The following MTTP variants were observed in gnomAD, a reference collection of about 807,000 sequenced individuals.
The protein encoded by MTTP is microsomal triglyceride transfer protein large subunit.
In MTTP, 49 loss-of-function variants were observed where a neutral mutation model predicts 90.6. The observed-to-expected ratio is 0.54, with a 90% CI of 0.43 to 0.69. MTTP has a LOEUF of 0.69. MTTP is among the 30% of genes least tolerant of loss of function. MTTP has a pLI of 0.00. For missense variants in MTTP, 945 were observed against 1,067.5 expected (o/e 0.89, Z 1.60); for synonymous variants, 347 against 384.2 (o/e 0.90, Z 1.13).
At chr4:99,605,029 T>C (rs892221606) in intron 10 of MTTP, among the ~76,000 whole-genome samples, 1 of 152,212 alleles carries the variant, frequency 6.6e-6, no homozygotes, top group Non-Finnish European at 1.5e-5. Flanking sequence ...TATTATCAAG[T>C]TGATAGACAT....
chr4:99,597,050 C>G lies in MTTP; in HGVS notation c.910-17C>G, dbSNP rs763211530. The G allele has an allele frequency of 6.2e-7, 1 of 1,613,260 alleles. No homozygotes were observed. The highest frequency in any genetic ancestry group is 1.7e-5 in the Admixed American group (1 of 59,980). On this transcript the variant is annotated splice_polypyrimidine_tract_variant and intron_variant, in intron 7 of 17. Coordinates refer to ENST00000265517, the MANE Select transcript of MTTP (RefSeq NM_001386140.1). ...CAGTTATGAGTGGGGTATGAGCCTGCAGTGTATGTTTTGCAGCTCTCGGAG... is the reference window on the plus strand; with the variant it reads ...CAGTTATGAGTGGGGTATGAGCCTGGAGTGTATGTTTTGCAGCTCTCGGAG...
intron 9 of MTTP, among the ~76,000 whole-genome samples, 180 bp downstream of exon 9, chr4:99,600,913 T>C (rs1312600740): frequency 1.3e-5 from 2 of 152,168 alleles, no homozygotes; most frequent in East Asian, 3.9e-4. Context: ...ATTATTTCAG[T>C]TAGTGCCTTT....
chr4:99,576,909 A>C (rs1724978252), intron 1 of MTTP, among the ~76,000 whole-genome samples: 1 of 152,116 alleles, frequency 6.6e-6, no homozygotes, highest in Non-Finnish European at 1.5e-5. Context: ...ATATCTTACT[A>C]TTGCAAAGGT....
At chr4:99,609,302 T>A (rs1725895761) in intron 12 of MTTP, among the ~76,000 whole-genome samples, 1 of 152,224 alleles carries the variant, frequency 6.6e-6, no homozygotes, top group Admixed American at 6.5e-5. Context: ...CAAAACAAAG[T>A]AAATTCTTAC....
rs528271911 is a variant in MTTP at position 99,592,263 on chromosome 4, T to C, written c.758+473T>C. On this transcript the variant is annotated intron_variant, in intron 6 of 17. Transcript: ENST00000265517. Reference sequence around the variant, plus strand: ...CCAAATGAGCACTGAGTGAATGTCATAGACTAGGACGTTACTGTACACTAC... The same window carrying C: ...CCAAATGAGCACTGAGTGAATGTCACAGACTAGGACGTTACTGTACACTAC... Among the ~76,000 whole-genome samples, 111 of 152,318 alleles carry C rather than the reference T, an allele frequency of 7.3e-4. 2 individuals are homozygous for C. In the South Asian group the frequency reaches 0.022, roughly 31 times the overall value.
chr4:99,600,723 G>A lies in MTTP; in HGVS notation c.1226G>A (p.Arg409Lys). The stretch of plus-strand genomic sequence containing the variant: ...TCTCATCCCAATGAAGAACTCCTGA[G>A]AGCCCTCATTGTAAGTCAAATAGAA... ...FASHPNEELLRALISKFKGSI... is the reference protein window; with the variant it reads ...FASHPNEELLKALISKFKGSI... Residue 409 changes from arginine (R) to lysine (K), a missense_variant, in exon 9 of 18, where the codon AGA becomes AAA. Physicochemically the swap from Arg to Lys is conservative, Grantham distance 26. Transcript: ENST00000265517. 1 of 1,613,582 alleles carries A rather than the reference G, an allele frequency of 6.2e-7. No homozygotes were observed. Among genetic ancestry groups the A allele is most frequent in the Non-Finnish European group, 8.5e-7 (1 of 1,179,710 alleles).
chr4:99,620,675 T>C (rs539729391), intron 16 of MTTP, among the ~76,000 whole-genome samples: 1 of 152,340 alleles, frequency 6.6e-6, no homozygotes, highest in South Asian at 2.1e-4. Context: ...GCATCGATTG[T>C]CTTCTTGGTG....
At chr4:99,597,015 T>C in intron 7 of MTTP, 52 bp from the exon 8 acceptor site, 1 of 1,607,542 alleles carries the variant, frequency 6.2e-7, no homozygotes, top group Non-Finnish European at 8.5e-7. Context: ...TTTGTAAATG[T>C]GGATGTTCAC....
intron 1 of MTTP, among the ~76,000 whole-genome samples, chr4:99,580,783 C>T (rs1725091205): frequency 1.3e-5 from 2 of 151,968 alleles, no homozygotes; most frequent in South Asian, 2.1e-4. Context: ...ACCACCATTT[C>T]CTCTGGGCAA....
At chr4:99,568,551 G>T (rs1159624786) in intron 1 of MTTP, among the ~76,000 whole-genome samples, 1 of 152,150 alleles carries the variant, frequency 6.6e-6, no homozygotes, top group Non-Finnish European at 1.5e-5. Flanking sequence ...CTGTAAAAAT[G>T]AGCACACCTA....
chr4:99,565,185 C>T (rs1449573132), intron 1 of MTTP, among the ~76,000 whole-genome samples: 1 of 152,138 alleles, frequency 6.6e-6, no homozygotes, highest in Non-Finnish European at 1.5e-5. Flanking sequence ...AAGTGATGTG[C>T]CAAATCTTTC....
chr4:99,591,195 C>T, intron 4 of MTTP, 40 bp from the exon 5 acceptor site: 1 of 1,439,444 alleles, frequency 6.9e-7, no homozygotes. Flanking sequence ...AAATGGCCCA[C>T]AAGGAATCCC....
chr4:99,569,836 A>C (rs867351411), upstream of MTTP, among the ~76,000 whole-genome samples: 3 of 151,990 alleles, frequency 2.0e-5, no homozygotes, highest in Middle Eastern at 3.2e-3. Flanking sequence ...CTATATTTAC[A>C]AGTTTACATA....
At chr4:99,612,514 G>T (rs1188380115) in intron 14 of MTTP, among the ~76,000 whole-genome samples, 5 of 152,066 alleles carry the variant, frequency 3.3e-5, no homozygotes, top group African/African-American at 1.2e-4. Context: ...CTGCAAGACA[G>T]CTGATGCGTT....
At chr4:99,604,088 T>C (rs1296580832) in intron 10 of MTTP, among the ~76,000 whole-genome samples, 2 of 152,184 alleles carry the variant, frequency 1.3e-5, no homozygotes, top group Admixed American at 1.3e-4. Context: ...GTTCAGTTTT[T>C]CTTTTGAATT....
intron 1 of MTTP, among the ~76,000 whole-genome samples, chr4:99,577,421 C>T (rs1248758948): frequency 1.3e-5 from 2 of 151,532 alleles, no homozygotes; most frequent in African/African-American, 2.4e-5. Context: ...GTCTGACCAA[C>T]GTGGAGAAAC....
rs750991409 is a variant in MTTP, at chr4:99,611,345, G to A, written c.1881G>A (p.Ser627=). ...YTGYIERSPR[S]ASTYSLDILY... ...GTGTGTCATCAGGTAGTCCCCGTTCGGCATCTACTTACAGCCTAGACATTC... is the reference window on the plus strand; with the variant it reads ...GTGTGTCATCAGGTAGTCCCCGTTCAGCATCTACTTACAGCCTAGACATTC... The change falls in exon 14 of 18, where the codon TCG becomes TCA. Residue 627 remains serine (S), a synonymous_variant. Transcript: ENST00000265517. 5.0e-6 allele frequency: 8 copies of A among 1,613,902 alleles called. No homozygotes were observed. The highest frequency in any genetic ancestry group is 1.7e-5 in the Admixed American group (1 of 59,988).
intron 8 of MTTP, among the ~76,000 whole-genome samples, chr4:99,598,418 T>C (rs1240723732): frequency 6.6e-6 from 1 of 152,148 alleles, no homozygotes; most frequent in African/African-American, 2.4e-5. Flanking sequence ...TAATTTAGAA[T>C]AGAGATTACA....
intron 1 of MTTP, among the ~76,000 whole-genome samples, chr4:99,578,003 C>T (rs1273608718): frequency 6.6e-6 from 1 of 151,970 alleles, no homozygotes. Flanking sequence ...TAACTTCTGA[C>T]CCTTTAGTTT....
Sources: gnomAD v4.1 joint callset for allele counts (sites outside exome capture counted in the v4.1 genomes callset) on GRCh38, gnomAD v4.1.1 for gene constraint, MANE v1.5 for transcripts, NCBI Gene and HGNC (gene_info 2026-07-23, HGNC 2026-07-21) for gene names.